Variants in OPCML observed in about 807,000 individuals in gnomAD.
OPCML encodes the protein opioid binding protein/cell adhesion molecule like, also known as opioid-binding protein/cell adhesion molecule.
OPCML carries 13 observed loss-of-function variants against 37.8 expected under a neutral mutation model. That is an observed-to-expected ratio of 0.34 (90% CI 0.22 to 0.55). The LOEUF (loss-of-function observed/expected upper bound fraction) is 0.55. Ranked by LOEUF, OPCML falls within the 20% of genes least tolerant of loss-of-function variation. The probability of loss-of-function intolerance (pLI) is 0.91; values close to 1 mark genes in which losing one functional copy is unlikely to be tolerated. For synonymous variants in OPCML, 176 were observed against 168.8 expected (o/e 1.04, Z -0.33); for missense variants, 341 against 435.6 (o/e 0.78, Z 1.93).
chr11:132,798,173 C>T (rs188497668), intron 2 of OPCML, among the ~76,000 whole-genome samples: 3 of 152,224 alleles, frequency 2.0e-5, no homozygotes, highest in Admixed American at 6.5e-5. Flanking sequence ...GGGAGTCAAG[C>T]GATTCTCCTG....
intron 4 of OPCML, among the ~76,000 whole-genome samples, chr11:132,441,176 T>TTTTTTGTTTTG (rs1248745947): frequency 8.4e-6 from 1 of 119,416 alleles, no homozygotes; most frequent in African/African-American, 3.3e-5. Flanking sequence ...TTTTTTTTTT[T>TTTTTTGTTTTG]TTTTTTTTTG....
At chr11:132,451,655 G>A (rs1332754511) in intron 4 of OPCML, among the ~76,000 whole-genome samples, 2 of 152,260 alleles carry the variant, frequency 1.3e-5, no homozygotes, top group Admixed American at 6.5e-5. Context: ...TGAGGGGTGC[G>A]GCTCTGTTGC....
intron 2 of OPCML, among the ~76,000 whole-genome samples, chr11:132,724,840 C>A (rs767334621): frequency 2.0e-5 from 3 of 152,188 alleles, no homozygotes; most frequent in Admixed American, 6.5e-5. Flanking sequence ...TCCAGTAGGG[C>A]AGCCAAATCT....
intron 4 of OPCML, among the ~76,000 whole-genome samples, chr11:132,469,348 G>A (rs1172712231): frequency 6.6e-6 from 1 of 152,188 alleles, no homozygotes; most frequent in Non-Finnish European, 1.5e-5. Context: ...GCACAGGGCA[G>A]GGCTCACACA....
At chr11:132,643,947 T>A (rs746356213) in intron 3 of OPCML, among the ~76,000 whole-genome samples, 38 of 152,316 alleles carry the variant, frequency 2.5e-4, no homozygotes, top group Middle Eastern at 3.4e-3. Flanking sequence ...TCAAGCAACC[T>A]GTACCTTGGA....
intron 1 of OPCML, among the ~76,000 whole-genome samples, chr11:133,529,965 T>G (rs903588124): frequency 1.3e-5 from 2 of 152,146 alleles, no homozygotes; most frequent in Non-Finnish European, 2.9e-5. Flanking sequence ...TCCTCCCCGT[T>G]CTTGTTCTTA....
At chr11:133,069,089 C>A (rs1948483833) in intron 1 of OPCML, among the ~76,000 whole-genome samples, 1 of 152,182 alleles carries the variant, frequency 6.6e-6, no homozygotes, top group South Asian at 2.1e-4. Flanking sequence ...AGTGAAGAAG[C>A]AACGGTGTAG....
At chr11:132,813,660 C>T (rs1486494757) in intron 2 of OPCML, among the ~76,000 whole-genome samples, 1 of 152,174 alleles carries the variant, frequency 6.6e-6, no homozygotes, top group Non-Finnish European at 1.5e-5. Flanking sequence ...CCAAACCCCT[C>T]ATTATAGATA....
intron 1 of OPCML, among the ~76,000 whole-genome samples, chr11:133,048,017 G>T (rs1039555030): frequency 1.3e-5 from 2 of 152,054 alleles, no homozygotes; most frequent in Non-Finnish European, 2.9e-5. Context: ...CAAGGCCACA[G>T]TGCCCACTGC....
At chr11:133,229,667 A>C (rs1940191877) in intron 1 of OPCML, among the ~76,000 whole-genome samples, 1 of 152,166 alleles carries the variant, frequency 6.6e-6, no homozygotes, top group Admixed American at 6.5e-5. Context: ...TAAAGAAAAA[A>C]AAGATGTACA....
intron 2 of OPCML, among the ~76,000 whole-genome samples, chr11:132,728,135 T>C (rs1411894486): frequency 6.6e-6 from 1 of 152,222 alleles, no homozygotes; most frequent in Non-Finnish European, 1.5e-5. Flanking sequence ...GCAGGGCTGC[T>C]CCATGGGAAC....
intron 1 of OPCML, among the ~76,000 whole-genome samples, chr11:133,069,468 A>T (rs1163380270): frequency 2.6e-5 from 4 of 152,100 alleles, no homozygotes; most frequent in African/African-American, 9.7e-5. Context: ...TACACACAAG[A>T]CCATAGCTGG....
intron 2 of OPCML, among the ~76,000 whole-genome samples, chr11:132,829,204 C>G (rs1348401676): frequency 6.6e-6 from 1 of 152,096 alleles, no homozygotes; most frequent in Admixed American, 6.5e-5. Context: ...CTGGAGGGAC[C>G]AAATTAACCC....
chr11:132,467,006 C>G (rs2096122117), intron 4 of OPCML, among the ~76,000 whole-genome samples: 1 of 152,146 alleles, frequency 6.6e-6, no homozygotes, highest in Non-Finnish European at 1.5e-5. Flanking sequence ...CAAAAAGGAA[C>G]AGATAAGACC....
chr11:132,566,749 G>A (rs1368981387), intron 3 of OPCML, among the ~76,000 whole-genome samples: 3 of 152,244 alleles, frequency 2.0e-5, no homozygotes, highest in Non-Finnish European at 4.4e-5. Context: ...TGCTATAAAA[G>A]CACAGTGGAG....
chr11:132,920,749 G>A (rs1273608829), intron 2 of OPCML, among the ~76,000 whole-genome samples: 1 of 152,176 alleles, frequency 6.6e-6, no homozygotes, highest in African/African-American at 2.4e-5. Flanking sequence ...GATTTATCTG[G>A]TTTTAGAATT....
chr11:133,128,411 G>C (rs569673389), intron 1 of OPCML, among the ~76,000 whole-genome samples: 15 of 152,276 alleles, frequency 9.9e-5, no homozygotes, highest in Middle Eastern at 3.4e-3. Context: ...TGAAAAAATG[G>C]AAGGGGAATA....
chr11:133,193,348 T>C (rs1415989187), intron 1 of OPCML, among the ~76,000 whole-genome samples: 2 of 152,328 alleles, frequency 1.3e-5, no homozygotes, highest in East Asian at 3.9e-4. Flanking sequence ...AGCTGGGCTT[T>C]GTTTAAGTCA....
intron 1 of OPCML, among the ~76,000 whole-genome samples, chr11:133,331,025 C>T (rs1943606991): frequency 1.3e-5 from 2 of 152,162 alleles, no homozygotes; most frequent in Non-Finnish European, 2.9e-5. Flanking sequence ...AAGGGTGTCC[C>T]TCTATCTGCT....
Sources: allele counts gnomAD v4.1 joint callset (sites outside exome capture counted in the v4.1 genomes callset), GRCh38; gene constraint gnomAD v4.1.1; transcripts MANE v1.5; gene names NCBI Gene and HGNC (gene_info 2026-07-23, HGNC 2026-07-21).